The following TRPM2 variants were observed in gnomAD, a reference collection of about 807,000 sequenced individuals.
TRPM2 encodes transient receptor potential cation channel subfamily M member 2.
TRPM2 carries 161 observed loss-of-function variants against 174.0 expected under a neutral mutation model. That is an observed-to-expected ratio of 0.93 (90% CI 0.81 to 1.05). TRPM2 has a LOEUF of 1.05. TRPM2 is among the 50% of genes least tolerant of loss of function. TRPM2 has a pLI of 0.00. For missense variants in TRPM2, 2,057 were observed against 2,038.0 expected (o/e 1.01, Z -0.18); for synonymous variants, 954 against 861.3 (o/e 1.11, Z -1.88).
chr21:44,383,904 A>G (rs1011885441), intron 9 of TRPM2, among the ~76,000 whole-genome samples: 5 of 152,370 alleles, frequency 3.3e-5, no homozygotes, highest in African/African-American at 1.2e-4. Flanking sequence ...ACATTAAAAA[A>G]TAAGATCTTA....
intron 5 of TRPM2, among the ~76,000 whole-genome samples, chr21:44,372,039 T>G (rs2048556563): frequency 1.3e-5 from 2 of 152,164 alleles, no homozygotes; most frequent in African/African-American, 4.8e-5. Context: ...GAAGAATTGC[T>G]TGAACCCAGG....
intron 19 of TRPM2, among the ~76,000 whole-genome samples, chr21:44,407,773 G>A (rs1049206327): frequency 2.0e-5 from 3 of 151,548 alleles, no homozygotes; most frequent in South Asian, 2.1e-4. Context: ...TTTACTTCCC[G>A]TTTATGGCTG....
rs867823561 is a variant in TRPM2 at position 44,432,524 on chromosome 21, C to T, written c.3975-2607C>T. ...ATACATTTGTGGGCATTGTTCACCCCAGTGCATCTTTGTGCTAGACCCATC... is the reference window on the plus strand; with the variant it reads ...ATACATTTGTGGGCATTGTTCACCCTAGTGCATCTTTGTGCTAGACCCATC... On this transcript the variant is annotated intron_variant, in intron 27 of 31. Transcript: ENST00000397928. The surrounding 1 kb of genome is among the most constrained non-coding windows in gnomAD (Gnocchi z 4.9). 6.6e-5 allele frequency among the ~76,000 whole-genome samples: 10 copies of T among 152,204 alleles called. No homozygotes were observed. The highest frequency in any genetic ancestry group is 1.3e-4 in the Non-Finnish European group (9 of 68,034).
rs45566431 is a variant in TRPM2, at chr21:44,365,335, G to A, written c.423+1053G>A. Among the ~76,000 whole-genome samples the A allele has an allele frequency of 2.6e-5, 4 of 152,324 alleles. No individual in the cohort carries two copies. In the East Asian group the frequency reaches 5.8e-4, roughly 22 times the overall value. ...TGGAGCCCTGAACTTGGTACCTGTCGAGTGTGACCTGTCCACTCAATGCAT... is the reference window on the plus strand; with the variant it reads ...TGGAGCCCTGAACTTGGTACCTGTCAAGTGTGACCTGTCCACTCAATGCAT... On this transcript the variant is annotated intron_variant, in intron 3 of 31. Transcript: ENST00000397928.
At chr21:44,370,976 C>T (rs926484237) in intron 5 of TRPM2, among the ~76,000 whole-genome samples, 23 of 152,222 alleles carry the variant, frequency 1.5e-4, no homozygotes, top group African/African-American at 4.3e-4. Flanking sequence ...GCCCGGCTGC[C>T]GCCCTCCCTT....
At chr21:44,394,018 G>A (rs996741327) in intron 11 of TRPM2, among the ~76,000 whole-genome samples, 39 of 151,920 alleles carry the variant, frequency 2.6e-4, no homozygotes, top group African/African-American at 6.0e-4. Context: ...GATTACAGGC[G>A]CCCACCACCA....
intron 31 of TRPM2, 32 bp downstream of exon 31, chr21:44,440,937 G>A: frequency 3.8e-6 from 6 of 1,594,884 alleles, no homozygotes; most frequent in Non-Finnish European, 4.3e-6. Flanking sequence ...AGGCGGGAGT[G>A]GGGAGGCAGG....
Position 44,441,978 on chromosome 21 carries a change from A to G in TRPM2, c.*161A>G, listed in dbSNP as rs1029515183. 2.7e-5 allele frequency: 29 copies of G among 1,091,354 alleles called. No homozygotes were observed. Among genetic ancestry groups the G allele is most frequent in the Admixed American group, 3.4e-5 (1 of 29,380 alleles). 67.6% of individuals were successfully genotyped at this position (1,091,354 alleles called of 1,614,324 possible). On this transcript the variant is annotated 3_prime_UTR_variant, in exon 32 of 32. Transcript: ENST00000397928. ...CTCACGGCTGCCGCAAGTCTGCTGC[A>G]GATGACCTCATGAACTGGAAGGGGT... is the stretch of plus-strand genomic sequence containing the variant.
At chr21:44,402,267 A>G (rs570673768) in intron 16 of TRPM2, among the ~76,000 whole-genome samples, 1 of 152,254 alleles carries the variant, frequency 6.6e-6, no homozygotes, top group South Asian at 2.1e-4. Context: ...AACGAGCCAG[A>G]AGGACCCACA....
intron 18 of TRPM2, among the ~76,000 whole-genome samples, 193 bp downstream of exon 18, chr21:44,406,230 C>G (rs1258844654): frequency 2.0e-5 from 3 of 152,108 alleles, no homozygotes; most frequent in Non-Finnish European, 4.4e-5. Flanking sequence ...TCCAGGAAGC[C>G]TTCCCTCATT....
chr21:44,434,844 G>A (rs1367939063), intron 27 of TRPM2, among the ~76,000 whole-genome samples: 1 of 152,120 alleles, frequency 6.6e-6, no homozygotes, highest in African/African-American at 2.4e-5. Flanking sequence ...TGGGGAGAAG[G>A]TGGCCACTTT....
In TRPM2 at chr21:44,401,912, G is replaced by A. The variant is rs1361063092; in HGVS notation, c.2538+15G>A. 2.5e-6 allele frequency: 4 copies of A among 1,613,030 alleles called. No homozygotes were observed. In the South Asian group the frequency reaches 3.3e-5, roughly 13 times the overall value. ...AGATGCGGCAGGTACAGCCCCACCC[G>A]CTTTTCCACGCCCCAGCCCGGGGCC... On this transcript the variant is annotated intron_variant, in intron 16 of 31. Transcript: ENST00000397928.
rs140224083 is a variant in TRPM2, at chr21:44,395,487, G to A, written c.1868G>A (p.Arg623His). The A allele has an allele frequency of 1.4e-4, 226 of 1,612,952 alleles. No homozygotes were observed. The highest frequency in any genetic ancestry group is 5.2e-4 in the South Asian group (47 of 91,092). The change falls in exon 12 of 32, where the codon CGT (arginine) becomes CAT (histidine). Residue 623 changes from arginine to histidine, a missense_variant. By Grantham distance (29) the Arg-to-His change is conservative. Transcript: ENST00000397928. ...GTGACCTTCACCATGGACCCCATCC[G>A]TGACCTTCTCATTTGGGCCATTGTC... ...GHVTFTMDPI[R>H]DLLIWAIVQN...
At chr21:44,406,891 G>A (rs1047136835) in intron 19 of TRPM2, 126 bp downstream of exon 19, 187 of 1,265,952 alleles carry the variant, frequency 1.5e-4, no homozygotes, top group African/African-American at 1.8e-4. Context: ...CCACCTGGCC[G>A]GTGTCCTCCC....
In TRPM2 at chr21:44,366,051, C is replaced by T; in HGVS notation, c.424-703C>T. 6.6e-6 allele frequency among the ~76,000 whole-genome samples: 1 copy of T among 152,242 alleles called. No individual in the cohort carries two copies. Among genetic ancestry groups the T allele is most frequent in the East Asian group, 1.9e-4 (1 of 5,196 alleles). On this transcript the variant is annotated intron_variant, in intron 3 of 31. Transcript: ENST00000397928. The surrounding 1 kb of genome is among the most constrained non-coding windows in gnomAD (Gnocchi z 6.0). ...GGCCAATCCCGGCGGAGATTGCAGA[C>T]CCCGCTGGGTCTCTTCAGACACAGC...
At chr21:44,405,292 C>G (rs758868606) in intron 17 of TRPM2, 32 bp downstream of exon 17, 1 of 1,609,332 alleles carries the variant, frequency 6.2e-7, no homozygotes, top group Non-Finnish European at 8.5e-7. Flanking sequence ...GCGGGCCCGT[C>G]TGAGGCAGCC....
chr21:44,369,970 CGGGG>C (rs2048482881), intron 5 of TRPM2, among the ~76,000 whole-genome samples: 1 of 131,266 alleles, frequency 7.6e-6, no homozygotes, highest in African/African-American at 3.1e-5. Flanking sequence ...GCGGGGGAGG[CGGGG>C]TGTGGGTGAC....
Position 44,382,830 on chromosome 21 carries a change from A to G in TRPM2, c.1318+10A>G. 6.2e-7 allele frequency: 1 copy of G among 1,610,388 alleles called. No individual in the cohort carries two copies. The highest frequency in any genetic ancestry group is 2.2e-5 in the East Asian group (1 of 44,820). The stretch of plus-strand genomic sequence containing the variant: ...CAGGCCTTGCTGAAAGGTGAGGGTC[A>G]GGGAACATGGGGGCAATGGGGTGGA... On this transcript the variant is annotated intron_variant, in intron 9 of 31. Coordinates refer to ENST00000397928, the MANE Select transcript of TRPM2 (RefSeq NM_003307.4).
In TRPM2 at chr21:44,405,813, G is replaced by A. The variant is rs1351523540; in HGVS notation, c.2658-92G>A. 2.7e-6 allele frequency: 4 copies of A among 1,503,334 alleles called. No individual in the cohort carries two copies. In the African/African-American group the frequency reaches 5.5e-5, roughly 21 times the overall value. The allele number at this position is 1,503,334 out of a possible 1,614,324, so 93.1% of individuals were successfully genotyped here. ...AGCCCTTTGCCTCCAGGGCCCACCT[G>A]GGCTAGGACAGGTGGAGGGGCGACG... On this transcript the variant is annotated intron_variant, in intron 17 of 31. Transcript: ENST00000397928.
Sources: gnomAD v4.1 joint callset for allele counts (sites outside exome capture counted in the v4.1 genomes callset) on GRCh38, gnomAD v4.1.1 for gene constraint, Gnocchi (gnomAD v3.1) non-coding constraint, MANE v1.5 for transcripts, NCBI Gene and HGNC (gene_info 2026-07-23, HGNC 2026-07-21) for gene names.